Variants in TMEM39B observed in about 807,000 individuals in gnomAD.
TMEM39B encodes transmembrane protein 39B.
A neutral mutation model predicts 52.2 loss-of-function variants in TMEM39B; 23 were observed. That is an observed-to-expected ratio of 0.44 (90% CI 0.32 to 0.62). The LOEUF is 0.62. Ranked by LOEUF, TMEM39B falls within the 20% of genes least tolerant of loss-of-function variation. The probability of loss-of-function intolerance (pLI) is 0.06; values close to 1 mark genes in which losing one functional copy is unlikely to be tolerated. For missense variants in TMEM39B, 547 were observed against 642.0 expected (o/e 0.85, Z 1.60); for synonymous variants, 285 against 264.0 (o/e 1.08, Z -0.77).
chr1:32,072,556 T>A (rs1639685612), upstream of TMEM39B: 1 of 158,182 alleles, frequency 6.3e-6, no homozygotes, highest in South Asian at 1.8e-4. Flanking sequence ...ACTCCTGGAT[T>A]TTGACTGGGG....
chr1:32,100,611 G>T lies in TMEM39B; in HGVS notation c.1236+49G>T, dbSNP rs767292301. On this transcript the variant is annotated intron_variant, in intron 8 of 8. Coordinates refer to ENST00000336294, the MANE Select transcript of TMEM39B (RefSeq NM_018056.4). The stretch of plus-strand genomic sequence containing the variant: ...AGGGTTGGGGCCTGAGAGGGTGGGA[G>T]GATCTGCAGGGCAGGAATGTGATGT... 35 of 1,612,262 alleles carry T rather than the reference G, an allele frequency of 2.2e-5. No homozygotes were observed. In the South Asian group the frequency reaches 3.8e-4, roughly 18 times the overall value.
At chr1:32,100,371 C>T in intron 7 of TMEM39B, 71 bp from the exon 8 acceptor site, 1 of 1,482,292 alleles carries the variant, frequency 6.7e-7, no homozygotes, top group Non-Finnish European at 9.0e-7. Flanking sequence ...TGATTCCCTC[C>T]TGCCCATTCT....
intron 3 of TMEM39B, 29 bp from the exon 4 acceptor site, chr1:32,076,734 A>C: frequency 6.2e-7 from 1 of 1,611,698 alleles, no homozygotes; most frequent in South Asian, 1.1e-5. Flanking sequence ...AGGGGCCCAC[A>C]TGACCCCCAG....
chr1:32,097,333 CTT>C (rs1033574033), intron 7 of TMEM39B, among the ~76,000 whole-genome samples: 71 of 138,760 alleles, frequency 5.1e-4, no homozygotes, highest in Admixed American at 5.1e-4. Flanking sequence ...CCAACTTCTT[CTT>C]TTTTTTTTTT....
chr1:32,082,815 C>T (rs1001543246), intron 5 of TMEM39B, among the ~76,000 whole-genome samples: 3 of 151,488 alleles, frequency 2.0e-5, no homozygotes, highest in Non-Finnish European at 4.4e-5. Flanking sequence ...CGCTCTGTCG[C>T]CCAGGCTGTA....
At chr1:32,075,514 T>G in intron 2 of TMEM39B, 89 bp from the exon 3 acceptor site, 1 of 1,373,956 alleles carries the variant, frequency 7.3e-7, no homozygotes, top group Non-Finnish European at 9.9e-7. Flanking sequence ...GCTGCTTTTC[T>G]GATCTTATCC....
intron 5 of TMEM39B, 92 bp downstream of exon 5, chr1:32,077,410 G>T (rs763281707): frequency 4.2e-5 from 61 of 1,464,970 alleles, no homozygotes; most frequent in Non-Finnish European, 5.2e-5. Context: ...TCCATATCTG[G>T]AAGATCGGAG....
intron 5 of TMEM39B, among the ~76,000 whole-genome samples, chr1:32,083,076 G>GTTT (rs763745093): frequency 2.2e-3 from 186 of 85,864 alleles, no homozygotes; most frequent in East Asian, 5.3e-3. Flanking sequence ...GCCCAGCCTG[G>GTTT]TTTTTTTTTT....
chr1:32,082,499 G>C (rs184452605), intron 5 of TMEM39B, among the ~76,000 whole-genome samples: 1 of 151,918 alleles, frequency 6.6e-6, no homozygotes. Context: ...CTGTCACCCA[G>C]GCTGGAGTGC....
In TMEM39B at chr1:32,094,812, C is replaced by T; in HGVS notation, c.956C>T (p.Ser319Phe). 1.2e-6 allele frequency: 2 copies of T among 1,614,234 alleles called. No individual in the cohort carries two copies. Among genetic ancestry groups the T allele is most frequent in the South Asian group, 1.1e-5 (1 of 91,080 alleles). ...KNTHYYDKRW[S>F]CELFLLVSIS... ...ACACATTACTATGACAAGCGCTGGTCCTGTGAACTCTTCCTGCTGGTGTCC... is the reference window on the plus strand; with the variant it reads ...ACACATTACTATGACAAGCGCTGGTTCTGTGAACTCTTCCTGCTGGTGTCC... The change falls in exon 7 of 9, where the codon TCC becomes TTC. Residue 319 changes from serine (S) to phenylalanine (F), a missense_variant. Physicochemically the swap from Ser to Phe is radical, Grantham distance 155 (BLOSUM62 -2). Coordinates refer to ENST00000336294, the MANE Select transcript of TMEM39B (RefSeq NM_018056.4).
intron 1 of TMEM39B, chr1:32,073,916 A>G (rs930998937): frequency 2.0e-6 from 2 of 980,712 alleles, no homozygotes; most frequent in South Asian, 4.7e-5. Flanking sequence ...ATATGTATGT[A>G]TATATATTTT....
intron 7 of TMEM39B, among the ~76,000 whole-genome samples, chr1:32,098,533 C>A (rs1404279831): frequency 6.6e-6 from 1 of 151,538 alleles, no homozygotes. Context: ...GAGATCGAGG[C>A]CATCCTGGCT....
At chr1:32,073,213 T>G (rs1569846760) in intron 1 of TMEM39B, 162 bp downstream of exon 1, 25 of 673,922 alleles carry the variant, frequency 3.7e-5, no homozygotes, top group East Asian at 1.2e-4. Flanking sequence ...TTTTGCGGGG[T>G]GGGGCCTCTG....
At position 32,078,561 on chromosome 1, in the gene TMEM39B, C is replaced by T. The variant is rs530096386; in HGVS notation, c.590+1243C>T. 2.0e-5 allele frequency among the ~76,000 whole-genome samples: 3 copies of T among 152,210 alleles called. No individual in the cohort carries two copies. In the East Asian group the frequency reaches 5.8e-4, roughly 29 times the overall value. On this transcript the variant is annotated intron_variant, in intron 5 of 8. Transcript: ENST00000336294. ...CTTTTAACATGGAAAAAGAAAGTCCCACATAGTCTTATTCCCCCAGAAATC... is the reference window on the plus strand; with the variant it reads ...CTTTTAACATGGAAAAAGAAAGTCCTACATAGTCTTATTCCCCCAGAAATC...
chr1:32,081,076 C>T (rs1640074419), intron 5 of TMEM39B, among the ~76,000 whole-genome samples: 2 of 152,004 alleles, frequency 1.3e-5, no homozygotes, highest in African/African-American at 2.4e-5. Flanking sequence ...TCTCCAATCC[C>T]GCCTCCAGAT....
Position 32,102,611 on chromosome 1 carries a change from T to C in TMEM39B, c.1417T>C (p.Leu473=), listed in dbSNP as rs199553311. ...CAAGCTGCTCCGGGACCGCTTGGTA[T>C]TGGGCAAGGCCTACTCATACTCTGC... is the stretch of plus-strand genomic sequence containing the variant. ...FFKLLRDRLV[L]GKAYSYSASP... is the part of the protein sequence containing the mutation. Residue 473 remains leucine, a synonymous_variant, in exon 9 of 9, where the codon TTG becomes CTG. Transcript: ENST00000336294. 19 of 1,613,530 alleles carry C rather than the reference T, an allele frequency of 1.2e-5. No homozygotes were observed. In the East Asian group the frequency reaches 3.1e-4, roughly 26 times the overall value.
chr1:32,090,253 A>G (rs655667), intron 5 of TMEM39B, among the ~76,000 whole-genome samples: 3 of 152,066 alleles, frequency 2.0e-5, no homozygotes, highest in Admixed American at 2.0e-4. Context: ...CTCCGCATAC[A>G]ATAGCAGCCA....
intron 6 of TMEM39B, among the ~76,000 whole-genome samples, 194 bp from the exon 7 acceptor site, chr1:32,094,590 A>C (rs1034130260): frequency 6.6e-6 from 1 of 152,142 alleles, no homozygotes; most frequent in East Asian, 1.9e-4. Context: ...AGTGGGAGCA[A>C]ATTTCCTTGT....
At position 32,075,796 on chromosome 1, in the gene TMEM39B, T is replaced by TTG; in HGVS notation, c.325_326insTG (p.Ser109LeufsTer10). The stretch of plus-strand genomic sequence containing the variant: ...CAAGACAGTGTGGTGGTATCCACCT[T>TTG]CCCACCCACCCTCCCACACCTCCCT... On this transcript the variant is annotated frameshift_variant, in exon 3 of 9. Coordinates refer to ENST00000336294, the MANE Select transcript of TMEM39B (RefSeq NM_018056.4). LOFTEE classifies it high-confidence loss of function. 1 of 1,519,032 alleles carries TTG rather than the reference T, an allele frequency of 6.6e-7. No individual in the cohort carries two copies. The highest frequency in any genetic ancestry group is 8.9e-7 in the Non-Finnish European group (1 of 1,124,378). 94.1% of individuals were successfully genotyped at this position (1,519,032 alleles called of 1,614,324 possible). A position where few individuals can be genotyped will look rare whatever the true frequency, so the allele number is the denominator to read the frequency against.
Sources: allele counts gnomAD v4.1 joint callset (sites outside exome capture counted in the v4.1 genomes callset), GRCh38; gene constraint gnomAD v4.1.1; transcripts MANE v1.5; gene names NCBI Gene and HGNC (gene_info 2026-07-23, HGNC 2026-07-21).